Variants in GLB1L3 observed in about 807,000 individuals in gnomAD.
GLB1L3 encodes the protein galactosidase beta 1 like 3.
GLB1L3 carries 89 observed loss-of-function variants against 89.5 expected under a neutral mutation model. The observed-to-expected ratio is 0.99, with a 90% CI of 0.84 to 1.19. GLB1L3 has a LOEUF of 1.19. Ranked by LOEUF, GLB1L3 falls within the 50% of genes most tolerant of loss-of-function variation. The probability of loss-of-function intolerance (pLI) is 0.00; values close to 1 mark genes in which losing one functional copy is unlikely to be tolerated. For missense variants in GLB1L3, 812 were observed against 813.3 expected (o/e 1.00, Z 0.02); for synonymous variants, 314 against 312.3 (o/e 1.01, Z -0.06).
At chr11:134,304,466 A>G (rs577485410) in intron 9 of GLB1L3, among the ~76,000 whole-genome samples, 5 of 152,170 alleles carry the variant, frequency 3.3e-5, no homozygotes, top group African/African-American at 1.2e-4. Context: ...GTGTAATGCA[A>G]ACTTCTTCTG....
At position 134,277,623 on chromosome 11, in the gene GLB1L3, G is replaced by T. The variant is rs550564132; in HGVS notation, c.150-77G>T. 45 of 1,532,536 alleles carry T rather than the reference G, an allele frequency of 2.9e-5. No individual in the cohort carries two copies. The South Asian group carries it at 4.6e-4, about 16-fold the overall frequency. The allele number at this position is 1,532,536 out of a possible 1,614,324, so 94.9% of individuals were successfully genotyped here. A position where few individuals can be genotyped will look rare whatever the true frequency, so the allele number is the denominator to read the frequency against. On this transcript the variant is annotated intron_variant, in intron 2 of 19. Coordinates refer to ENST00000431683, the MANE Select transcript of GLB1L3 (RefSeq NM_001080407.3). ...CTAACAAAAACTTCTTTTCGCTAGG[G>T]TTTCAGCCGTGCCTCCGAGCCCTCT... is the stretch of plus-strand genomic sequence containing the variant.
rs200673143 is a variant in GLB1L3, at chr11:134,318,731, A to G, written c.1880A>G (p.His627Arg). The change falls in exon 19 of 20, where the codon CAT becomes CGT. Residue 627 changes from histidine (H) to arginine (R), a missense_variant. By Grantham distance (29) the His-to-Arg change is conservative. Around this residue, in one of 3 missense-constraint regions of GLB1L3, gnomAD observed 618 missense variants for 604.0 expected, o/e 1.02. Transcript: ENST00000431683. Reference protein sequence around the residue: ...KTLYLPGVWLHPEDNEVILFE... With the variant: ...KTLYLPGVWLRPEDNEVILFE... ...CTGTACCTTCCTGGAGTTTGGCTTCATCCAGAAGACAATGAGGTATGTCAC... is the reference window on the plus strand; with the variant it reads ...CTGTACCTTCCTGGAGTTTGGCTTCGTCCAGAAGACAATGAGGTATGTCAC... 109 of 1,607,954 alleles carry G rather than the reference A, an allele frequency of 6.8e-5. No homozygotes were observed. Among genetic ancestry groups the G allele is most frequent in the Middle Eastern group, 4.9e-4 (3 of 6,080 alleles).
At chr11:134,322,451 G>A (rs765020839), downstream of GLB1L3, among the ~76,000 whole-genome samples, 6 of 152,250 alleles carry the variant, frequency 3.9e-5, no homozygotes, top group East Asian at 1.2e-3. Context: ...CTCTTTTAAA[G>A]TCTACAATTC....
In GLB1L3 at chr11:134,308,211, CCACCA is replaced by C. The variant is rs1565412358; in HGVS notation, c.961+1004_961+1008del. Among the ~76,000 whole-genome samples the C allele has an allele frequency of 2.8e-3, 78 of 27,912 alleles. 6 individuals are homozygous for C. In the East Asian group the frequency reaches 0.048, roughly 17 times the overall value. 18.3% of individuals were successfully genotyped at this position (27,912 alleles called of 152,430 possible). A position where few individuals can be genotyped will look rare whatever the true frequency, so the allele number is the denominator to read the frequency against. On this transcript the variant is annotated intron_variant, in intron 10 of 19. Transcript: ENST00000431683. ...ATCATCACCATCACCACTACCACCA[CCACCA>C]TCACCATCACCACCACCACCATCAC...
At chr11:134,305,129 TG>T in intron 9 of GLB1L3, 1 of 1,541,924 alleles carries the variant, frequency 6.5e-7, no homozygotes, top group African/African-American at 1.4e-5. Context: ...CCAGTATAGA[TG>T]CAGGACTGCT....
chr11:134,303,624 G>T (rs1263113270), intron 9 of GLB1L3, among the ~76,000 whole-genome samples: 1 of 152,162 alleles, frequency 6.6e-6, no homozygotes, highest in Non-Finnish European at 1.5e-5. Flanking sequence ...ACTGACTCTG[G>T]CCACTCCATC....
intron 19 of GLB1L3, 34 bp from the exon 20 acceptor site, chr11:134,318,843 C>T (rs770800566): frequency 6.3e-7 from 1 of 1,591,994 alleles, no homozygotes; most frequent in Non-Finnish European, 8.6e-7. Flanking sequence ...ATAGGCTTCA[C>T]CTTTCCCACT....
In GLB1L3 at chr11:134,319,263, T is replaced by C. The variant is rs1376784504; in HGVS notation, c.*321T>C. ...GCCACCACTCCCGGCCGTGAACATA[T>C]TTTTTGGGTTGCTGGAGTTCATCTA... On this transcript the variant is annotated 3_prime_UTR_variant, in exon 20 of 20. Coordinates refer to ENST00000431683, the MANE Select transcript of GLB1L3 (RefSeq NM_001080407.3). 4.4e-6 allele frequency: 1 copy of C among 228,674 alleles called. No homozygotes were observed. The highest frequency in any genetic ancestry group is 8.6e-6 in the Non-Finnish European group (1 of 116,558). The allele number at this position is 228,674 out of a possible 1,614,324, so 14.2% of individuals were successfully genotyped here.
rs528562656 is a variant in GLB1L3, at chr11:134,319,055, C to T, written c.*113C>T. 6.3e-5 allele frequency: 46 copies of T among 732,954 alleles called. 1 individual carries two copies. Among genetic ancestry groups the T allele is most frequent in the Admixed American group, 2.3e-4 (10 of 43,644 alleles). 45.4% of individuals were successfully genotyped at this position (732,954 alleles called of 1,614,324 possible). A position where few individuals can be genotyped will look rare whatever the true frequency, so the allele number is the denominator to read the frequency against. On this transcript the variant is annotated 3_prime_UTR_variant, in exon 20 of 20. Coordinates refer to ENST00000431683, the MANE Select transcript of GLB1L3 (RefSeq NM_001080407.3). The stretch of plus-strand genomic sequence containing the variant: ...CTGCAAGCTCAGCCTCTCGGGTTCA[C>T]GCCATTCTCCTGCCTCAGCCTCCCC...
chr11:134,300,243 A>G (rs867448196), intron 9 of GLB1L3, among the ~76,000 whole-genome samples: 1 of 150,364 alleles, frequency 6.7e-6, no homozygotes. Flanking sequence ...CCCTCACATG[A>G]TCTCTTCTCT....
chr11:134,285,220 G>A (rs1288760506), intron 6 of GLB1L3, among the ~76,000 whole-genome samples: 1 of 151,920 alleles, frequency 6.6e-6, no homozygotes, highest in African/African-American at 2.4e-5. Context: ...GAGCCACTGC[G>A]CCCAACAGCA....
Position 134,276,591 on chromosome 11 carries a change from G to A in GLB1L3, c.-150G>A, listed in dbSNP as rs1367005564. 6 of 689,712 alleles carry A rather than the reference G, an allele frequency of 8.7e-6. No homozygotes were observed. The highest frequency in any genetic ancestry group is 1.2e-5 in the Non-Finnish European group (6 of 494,350). The allele number at this position is 689,712 out of a possible 1,614,324, so 42.7% of individuals were successfully genotyped here. A position where few individuals can be genotyped will look rare whatever the true frequency, so the allele number is the denominator to read the frequency against. ...CCCGGACCCGGCGCCCGCGCCTCGG[G>A]ACGGATTTCTGCCTCGGCTGCAGGC... On this transcript the variant is annotated 5_prime_UTR_variant, in exon 1 of 20. Transcript: ENST00000431683.
chr11:134,304,224 A>G (rs984529042), intron 9 of GLB1L3, among the ~76,000 whole-genome samples: 2 of 152,136 alleles, frequency 1.3e-5, no homozygotes, highest in Admixed American at 6.5e-5. Flanking sequence ...TTGTCTACTT[A>G]TGCTGCTATT....
intron 6 of GLB1L3, among the ~76,000 whole-genome samples, chr11:134,285,802 T>C (rs1372492931): frequency 6.6e-6 from 1 of 152,028 alleles, no homozygotes; most frequent in South Asian, 2.1e-4. Context: ...CCTGGATTTT[T>C]AGGTAGTAGT....
At chr11:134,318,597 C>A in intron 18 of GLB1L3, 34 bp from the exon 19 acceptor site, 1 of 1,383,988 alleles carries the variant, frequency 7.2e-7, no homozygotes, top group South Asian at 1.2e-5. Flanking sequence ...TAATGTGAAC[C>A]AATTTCCAAA....
At chr11:134,297,218 C>G (rs1941698516) in intron 9 of GLB1L3, among the ~76,000 whole-genome samples, 1 of 152,118 alleles carries the variant, frequency 6.6e-6, no homozygotes, top group African/African-American at 2.4e-5. Flanking sequence ...TTAATTAATA[C>G]CTGCATGGCA....
At chr11:134,292,251 C>G in intron 8 of GLB1L3, 38 bp downstream of exon 8, 1 of 1,471,586 alleles carries the variant, frequency 6.8e-7, no homozygotes, top group Non-Finnish European at 9.5e-7. Context: ...GAACAGGGCT[C>G]TCAGCCAGCC....
chr11:134,297,859 CAA>C (rs34354899), intron 9 of GLB1L3, among the ~76,000 whole-genome samples: 103 of 100,970 alleles, frequency 1.0e-3, no homozygotes, highest in Non-Finnish European at 1.4e-3. Context: ...GACTCTGTCT[CAA>C]AAAAAAAAAA....
rs1183012858 is a variant in GLB1L3 at position 134,293,071 on chromosome 11, C to CG, written c.812-69dup. On this transcript the variant is annotated intron_variant, in intron 8 of 19. Transcript: ENST00000431683. ...GGGTTCCTCCTGCGTGCGTCCGGGC[C>CG]GGGGGCGCATTCCTTCCCTTCCCTG... 3.2e-6 allele frequency: 4 copies of CG among 1,243,074 alleles called. No homozygotes were observed. In the African/African-American group the frequency reaches 5.9e-5, roughly 18 times the overall value. The allele number at this position is 1,243,074 out of a possible 1,614,324, so 77.0% of individuals were successfully genotyped here.
Sources: gnomAD v4.1 joint callset for allele counts (sites outside exome capture counted in the v4.1 genomes callset) on GRCh38, gnomAD v4.1.1 for gene constraint, gnomAD v4.1.1 regional missense constraint, MANE v1.5 for transcripts, NCBI Gene and HGNC (gene_info 2026-07-23, HGNC 2026-07-21) for gene names.